The following MLF1 variants were observed in gnomAD, a reference collection of about 807,000 sequenced individuals.
MLF1 encodes the protein myeloid leukemia factor 1, also known as myelodysplasia-myeloid leukemia factor 1.
In MLF1, 37 loss-of-function variants were observed where a neutral mutation model predicts 38.3. The ratio of observed to expected loss-of-function variants is 0.96; its 90% CI spans 0.74 to 1.27. The LOEUF is 1.27. Among genes scored for constraint, MLF1 ranks in the 50% most tolerant of loss-of-function variants. MLF1 has a pLI of 0.00. For synonymous variants in MLF1, 95 were observed against 106.5 expected (o/e 0.89, Z 0.66); for missense variants, 331 against 349.2 (o/e 0.95, Z 0.42).
chr3:158,580,290 TA>T (rs138113242), intron 1 of MLF1, among the ~76,000 whole-genome samples: 261 of 140,216 alleles, frequency 1.9e-3, no homozygotes, highest in Admixed American at 1.8e-3. Context: ...CCCCGGAACT[TA>T]AAAAAAAAAA....
intron 1 of MLF1, among the ~76,000 whole-genome samples, chr3:158,579,615 G>C (rs1464149437): frequency 2.0e-5 from 3 of 152,118 alleles, no homozygotes; most frequent in African/African-American, 7.2e-5. Flanking sequence ...TTTTAAATGA[G>C]CCATATTTTG....
chr3:158,596,399 T>C (rs6804230), intron 3 of MLF1, among the ~76,000 whole-genome samples: 23,701 of 152,110 alleles, frequency 0.16, 1,907 homozygotes, highest in Middle Eastern at 0.2. Flanking sequence ...GGACAACTTC[T>C]GTCAGCCATG....
intron 3 of MLF1, among the ~76,000 whole-genome samples, chr3:158,594,971 T>C (rs748043749): frequency 3.9e-5 from 6 of 152,164 alleles, no homozygotes; most frequent in Non-Finnish European, 7.4e-5. Context: ...AGATAATTTA[T>C]TCATTCATTC....
In MLF1 at chr3:158,599,168, T is replaced by A. The variant is rs146337866; in HGVS notation, c.454-846T>A. Among the ~76,000 whole-genome samples the A allele has an allele frequency of 4.0e-3, 609 of 152,330 alleles. 5 individuals carry two copies. Among genetic ancestry groups the A allele is most frequent in the African/African-American group, 0.014 (568 of 41,590 alleles). On this transcript the variant is annotated intron_variant, in intron 5 of 7. Coordinates refer to ENST00000466246, the MANE Select transcript of MLF1 (RefSeq NM_001369783.1). ...TTAAATCATTTTCTGTCAATAGATA[T>A]GTAGGTGAGTCTAATCTTTCACTAA...
intron 1 of MLF1, among the ~76,000 whole-genome samples, chr3:158,574,278 A>G (rs2108543674): frequency 6.6e-6 from 1 of 152,238 alleles, no homozygotes; most frequent in Admixed American, 6.5e-5. Context: ...AGGCAAATTT[A>G]TTATGCCATT....
chr3:158,592,494 C>G lies in MLF1; in HGVS notation c.108C>G (p.Pro36=), dbSNP rs1718299654. 6.2e-7 allele frequency: 1 copy of G among 1,611,770 alleles called. No individual in the cohort carries two copies. The highest frequency in any genetic ancestry group is 8.5e-7 in the Non-Finnish European group (1 of 1,179,156). The change falls in exon 2 of 8, where the codon CCC becomes CCG. Residue 36 remains proline (P), a synonymous_variant. Coordinates refer to ENST00000466246, the MANE Select transcript of MLF1 (RefSeq NM_001369783.1). The part of the protein sequence containing the change: ...MRQMIRSFSE[P]FGRDLLSISD... ...AGATGATAAGAAGTTTTTCTGAACC[C>G]TTTGGAAGAGACTTGCTCAGTATCT...
At chr3:158,593,534 C>T (rs1718471530) in intron 3 of MLF1, 108 bp downstream of exon 3, 1 of 817,562 alleles carries the variant, frequency 1.2e-6, no homozygotes, top group South Asian at 2.0e-5. Flanking sequence ...TCCATAATGG[C>T]TTTTTAATGT....
intron 3 of MLF1, among the ~76,000 whole-genome samples, chr3:158,595,707 G>T (rs766528233): frequency 1.1e-4 from 16 of 152,046 alleles, no homozygotes; most frequent in Non-Finnish European, 1.8e-4. Flanking sequence ...ATTAAGTGCA[G>T]GTTCTAAGGA....
At chr3:158,584,800 T>G (rs1477132039) in intron 1 of MLF1, among the ~76,000 whole-genome samples, 4 of 151,774 alleles carry the variant, frequency 2.6e-5, no homozygotes, top group Non-Finnish European at 5.9e-5. Flanking sequence ...AGAACTGTCT[T>G]GGGCCACACG....
chr3:158,595,239 C>G (rs921662257), intron 3 of MLF1, among the ~76,000 whole-genome samples: 7 of 151,936 alleles, frequency 4.6e-5, no homozygotes, highest in Non-Finnish European at 8.8e-5. Context: ...GGTGGTGATA[C>G]TTGAATCATG....
chr3:158,578,645 T>C (rs1715852649), intron 1 of MLF1, among the ~76,000 whole-genome samples: 1 of 152,106 alleles, frequency 6.6e-6, no homozygotes, highest in Non-Finnish European at 1.5e-5. Context: ...TTGTGATATA[T>C]GCTGAAGGTA....
intron 6 of MLF1, among the ~76,000 whole-genome samples, chr3:158,602,027 A>G (rs779441382): frequency 6.6e-6 from 1 of 151,966 alleles, no homozygotes; most frequent in Non-Finnish European, 1.5e-5. Context: ...CATGTTAGCC[A>G]GGATGGTCTT....
At chr3:158,589,006 A>G (rs762826653) in intron 1 of MLF1, 38 of 426,786 alleles carry the variant, frequency 8.9e-5, no homozygotes, top group Non-Finnish European at 1.5e-4. Flanking sequence ...CTAAAATCCA[A>G]AGTCACTAAG....
At chr3:158,595,552 C>G (rs1718765609) in intron 3 of MLF1, among the ~76,000 whole-genome samples, 1 of 152,124 alleles carries the variant, frequency 6.6e-6, no homozygotes, top group Admixed American at 6.6e-5. Context: ...AGAACGGATT[C>G]TCAATCTAGT....
At chr3:158,596,295 G>T (rs551402835) in intron 3 of MLF1, among the ~76,000 whole-genome samples, 1 of 152,192 alleles carries the variant, frequency 6.6e-6, no homozygotes, top group East Asian at 1.9e-4. Flanking sequence ...TGACCCTTCA[G>T]TAGGCAGCAA....
intron 6 of MLF1, among the ~76,000 whole-genome samples, chr3:158,601,215 A>T (rs1435902881): frequency 6.6e-6 from 1 of 151,798 alleles, no homozygotes; most frequent in Non-Finnish European, 1.5e-5. Context: ...CAGGTAGATC[A>T]TGGGGTCATA....
Position 158,581,656 on chromosome 3 carries a change from C to G in MLF1, c.47+10309C>G, listed in dbSNP as rs116329439. Among the ~76,000 whole-genome samples, 785 of 152,178 alleles carry G rather than the reference C, an allele frequency of 5.2e-3. 7 individuals are homozygous for G. The highest frequency in any genetic ancestry group is 0.018 in the African/African-American group (757 of 41,508). On this transcript the variant is annotated intron_variant, in intron 1 of 7. Transcript: ENST00000466246. ...TTACCCAGTAAATATGTACTACTTT[C>G]AACAAAATATTACGAGGCATACTAA... is the stretch of plus-strand genomic sequence containing the variant.
chr3:158,585,037 G>GAAAAAAAAAAA (rs59014137), intron 1 of MLF1, among the ~76,000 whole-genome samples: 1 of 88,854 alleles, frequency 1.1e-5, no homozygotes, highest in Non-Finnish European at 2.3e-5. Context: ...GACTCTGTCT[G>GAAAAAAAAAAA]AAAAAAAAAA....
intron 1 of MLF1, among the ~76,000 whole-genome samples, chr3:158,591,546 T>G (rs1718144636): frequency 6.6e-6 from 1 of 152,110 alleles, no homozygotes; most frequent in Admixed American, 6.6e-5. Flanking sequence ...CTAAGAAGAA[T>G]AACTGAAGTG....
Sources: gnomAD v4.1 joint callset for allele counts (sites outside exome capture counted in the v4.1 genomes callset) on GRCh38, gnomAD v4.1.1 for gene constraint, MANE v1.5 for transcripts, NCBI Gene and HGNC (gene_info 2026-07-23, HGNC 2026-07-21) for gene names.